TNIK: variants seen among roughly 807,000 people sequenced by gnomAD.
TNIK encodes TRAF2 and NCK-interacting protein kinase.
A neutral mutation model predicts 191.3 loss-of-function variants in TNIK; 49 were observed. That is an observed-to-expected ratio of 0.26 (90% CI 0.20 to 0.32). The LOEUF (loss-of-function observed/expected upper bound fraction) is 0.32, where lower values mean the gene tolerates loss of function less well. Among genes scored for constraint, TNIK ranks in the 10% least tolerant of loss-of-function variants. The pLI, the probability that TNIK is intolerant of heterozygous loss-of-function variation, is 1.00. For synonymous variants in TNIK, 594 were observed against 600.9 expected (o/e 0.99, Z 0.17); for missense variants, 1,155 against 1,702.3 (o/e 0.68, Z 5.66).
At chr3:171,392,954 GCTTT>G in intron 1 of TNIK, among the ~76,000 whole-genome samples, 1 of 151,964 alleles carries the variant, frequency 6.6e-6, no homozygotes, top group African/African-American at 2.4e-5. Context: ...ACTTCCACAA[GCTTT>G]CTGTCACATT....
intron 2 of TNIK, among the ~76,000 whole-genome samples, chr3:171,322,829 GTTTTC>G (rs1218233453): frequency 1.3e-4 from 16 of 125,116 alleles, no homozygotes; most frequent in South Asian, 2.5e-4. Flanking sequence ...TATTATTGTT[GTTTTC>G]TTTTCTTTTT....
Position 171,132,395 on chromosome 3 carries a change from G to T in TNIK, c.1609-3517C>A, listed in dbSNP as rs116347439. On this transcript the variant is annotated intron_variant, in intron 15 of 32. Transcript: ENST00000436636. ...ATACTATTTACTATAGCATTATATA[G>T]AGAGAAAAAAAATAACTGTGGTCTC... 7.6e-3 allele frequency among the ~76,000 whole-genome samples: 1,155 copies of T among 152,102 alleles called. 8 individuals are homozygous for T. Among genetic ancestry groups the T allele is most frequent in the African/African-American group, 0.011 (467 of 41,494 alleles).
intron 13 of TNIK, 136 bp from the exon 14 acceptor site, chr3:171,139,692 A>G (rs1022104559): frequency 4.0e-6 from 3 of 741,460 alleles, no homozygotes; most frequent in South Asian, 1.7e-5. Context: ...ACCTTCTTAC[A>G]AAGCAGGAAG....
chr3:171,225,040 T>C lies in TNIK; in HGVS notation c.180+3125A>G, dbSNP rs1249294267. ...CAAGCTTATGGCTTTATCAGTTTTA[T>C]AACAATAAACTATAGTAACTTTGTA... On this transcript the variant is annotated intron_variant, in intron 3 of 32. Transcript: ENST00000436636. Among the ~76,000 whole-genome samples the C allele has an allele frequency of 2.0e-5, 3 of 152,230 alleles. No homozygotes were observed. The South Asian group carries it at 6.2e-4, about 32-fold the overall frequency.
In TNIK at chr3:171,367,412, T is replaced by G. The variant is rs371035487; in HGVS notation, c.123+2208A>C. The stretch of plus-strand genomic sequence containing the variant: ...GTTGCCTAGAAACCAAACCCTTAAA[T>G]AGGTAGGTAGGGAGTTATAATTCTT... On this transcript the variant is annotated intron_variant, in intron 2 of 32. Transcript: ENST00000436636. Among the ~76,000 whole-genome samples, 56 of 136,532 alleles carry G rather than the reference T, an allele frequency of 4.1e-4. No individual in the cohort carries two copies. The South Asian group carries it at 0.012, about 30-fold the overall frequency. The allele number at this position is 136,532 out of a possible 152,430, so 89.6% of individuals were successfully genotyped here. A position where few individuals can be genotyped will look rare whatever the true frequency, so the allele number is the denominator to read the frequency against.
intron 22 of TNIK, among the ~76,000 whole-genome samples, chr3:171,099,509 G>T (rs1723158766): frequency 6.6e-6 from 1 of 151,908 alleles, no homozygotes; most frequent in Non-Finnish European, 1.5e-5. Flanking sequence ...CTGTATTCCA[G>T]ACACCATGGA....
chr3:171,270,314 C>G (rs192052284), intron 2 of TNIK, among the ~76,000 whole-genome samples: 97 of 152,154 alleles, frequency 6.4e-4, no homozygotes, highest in Admixed American at 3.1e-3. Context: ...TCTTAATGAG[C>G]AATTGGACCA....
chr3:171,179,043 C>T (rs1391691475), intron 7 of TNIK, among the ~76,000 whole-genome samples: 1 of 152,162 alleles, frequency 6.6e-6, no homozygotes, highest in Non-Finnish European at 1.5e-5. Context: ...AAAGTGCAGT[C>T]TACCTGAGAG....
At chr3:171,310,227 T>C (rs9290406) in intron 2 of TNIK, among the ~76,000 whole-genome samples, 55,132 of 151,948 alleles carry the variant, frequency 0.36, 10,577 homozygotes, top group Non-Finnish European at 0.42. Flanking sequence ...GTTGAAGCTA[T>C]GGACTTGTCT....
intron 1 of TNIK, among the ~76,000 whole-genome samples, chr3:171,447,592 C>T (rs774550944): frequency 5.3e-5 from 8 of 152,170 alleles, no homozygotes; most frequent in Non-Finnish European, 1.0e-4. Flanking sequence ...AGTAGCTCTA[C>T]GATCTTTGGT....
chr3:171,363,641 T>A (rs2108475796), intron 2 of TNIK, among the ~76,000 whole-genome samples: 2 of 151,464 alleles, frequency 1.3e-5, no homozygotes, highest in East Asian at 3.9e-4. Context: ...TCCAGGATAA[T>A]GTTATAGAAT....
At chr3:171,428,171 A>G (rs1263550541) in intron 1 of TNIK, among the ~76,000 whole-genome samples, 2 of 152,228 alleles carry the variant, frequency 1.3e-5, no homozygotes, top group African/African-American at 4.8e-5. Flanking sequence ...GAACAGACTC[A>G]AGGTCAAGGA....
At chr3:171,334,985 C>CA (rs764819965) in intron 2 of TNIK, among the ~76,000 whole-genome samples, 1 of 135,750 alleles carries the variant, frequency 7.4e-6, no homozygotes, top group Non-Finnish European at 1.6e-5. Context: ...TCAGAGTCTT[C>CA]AGAGATACAA....
At chr3:171,311,415 T>C (rs979356740) in intron 2 of TNIK, among the ~76,000 whole-genome samples, 1 of 152,186 alleles carries the variant, frequency 6.6e-6, no homozygotes, top group African/African-American at 2.4e-5. Context: ...ACTCCAAGTA[T>C]ATTTCCATTT....
chr3:171,415,055 C>T (rs1404350464), intron 1 of TNIK, among the ~76,000 whole-genome samples: 1 of 152,170 alleles, frequency 6.6e-6, no homozygotes, highest in African/African-American at 2.4e-5. Flanking sequence ...TTCCTTACTG[C>T]CCTCCAGTTG....
At chr3:171,137,924 TTC>T (rs1379360634) in intron 15 of TNIK, among the ~76,000 whole-genome samples, 3 of 150,768 alleles carry the variant, frequency 2.0e-5, no homozygotes, top group African/African-American at 7.3e-5. Flanking sequence ...TTTTTCTATC[TTC>T]TGTTATTTCC....
intron 2 of TNIK, among the ~76,000 whole-genome samples, chr3:171,351,271 A>ATGTGTGTGTG (rs1335605618): frequency 3.3e-5 from 5 of 150,360 alleles, no homozygotes; most frequent in South Asian, 2.1e-4. Flanking sequence ...ATATGTATAT[A>ATGTGTGTGTG]TGTGTGTGTG....
rs1022152130 is a variant in TNIK, at chr3:171,304,006, C to CG, written c.123+65613dup. Among the ~76,000 whole-genome samples the CG allele has an allele frequency of 3.1e-4, 26 of 85,032 alleles. 1 individual carries two copies. In the Admixed American group the frequency reaches 4.5e-3, roughly 15 times the overall value. 55.8% of individuals were successfully genotyped at this position (85,032 alleles called of 152,430 possible). A position where few individuals can be genotyped will look rare whatever the true frequency, so the allele number is the denominator to read the frequency against. The stretch of plus-strand genomic sequence containing the variant: ...GGATTCACTTCCACTGAAGAAGGCC[C>CG]GGGGGAGGAAGGGTGACCTGAGTTG... On this transcript the variant is annotated intron_variant, in intron 2 of 32. Coordinates refer to ENST00000436636, the MANE Select transcript of TNIK (RefSeq NM_015028.4).
At chr3:171,200,881 T>C (rs1162935923) in intron 4 of TNIK, among the ~76,000 whole-genome samples, 2 of 152,190 alleles carry the variant, frequency 1.3e-5, no homozygotes, top group Non-Finnish European at 2.9e-5. Flanking sequence ...TAGGATGTTA[T>C]TTCACAATTG....
Sources: gnomAD v4.1 joint callset for allele counts (sites outside exome capture counted in the v4.1 genomes callset) on GRCh38, gnomAD v4.1.1 for gene constraint, MANE v1.5 for transcripts, NCBI Gene and HGNC (gene_info 2026-07-23, HGNC 2026-07-21) for gene names.